The following PPP1R12A variants were observed in gnomAD, a reference collection of about 807,000 sequenced individuals.
The protein encoded by PPP1R12A is protein phosphatase 1 regulatory subunit 12A.
A neutral mutation model predicts 139.6 loss-of-function variants in PPP1R12A; 19 were observed. That is an observed-to-expected ratio of 0.14 (90% CI 0.09 to 0.20). PPP1R12A has a LOEUF of 0.20. Ranked by LOEUF, PPP1R12A falls within the 10% of genes least tolerant of loss-of-function variation. The pLI, the probability that PPP1R12A is intolerant of heterozygous loss-of-function variation, is 1.00. For synonymous variants in PPP1R12A, 427 were observed against 420.6 expected, an observed-to-expected ratio of 1.02 and a Z score of -0.19; for missense variants, 925 against 1,211.5, an observed-to-expected ratio of 0.76 and a Z score of 3.51.
intron 3 of PPP1R12A, among the ~76,000 whole-genome samples, chr12:79,843,018 G>A (rs1167148391): frequency 6.6e-6 from 1 of 151,894 alleles, no homozygotes; most frequent in Non-Finnish European, 1.5e-5. Context: ...ACTATTCTAG[G>A]TACCTCATAT....
chr12:79,780,294 C>T (rs1393933269), intron 23 of PPP1R12A: 1 of 151,204 alleles, frequency 6.6e-6, no homozygotes, highest in African/African-American at 2.4e-5. Flanking sequence ...AATTTTGTGC[C>T]TGCTTGATAT....
chr12:79,851,859 C>G (rs971917320), intron 2 of PPP1R12A, among the ~76,000 whole-genome samples: 4 of 152,144 alleles, frequency 2.6e-5, no homozygotes, highest in East Asian at 1.9e-4. Flanking sequence ...TTGTATTGTT[C>G]TATCAGTTTA....
At position 79,805,617 on chromosome 12, in the gene PPP1R12A, T is replaced by C. The variant is rs1243563157; in HGVS notation, c.1975A>G (p.Thr659Ala). The C allele has an allele frequency of 2.5e-6, 4 of 1,613,570 alleles. No homozygotes were observed. The Admixed American group carries it at 6.7e-5, about 27-fold the overall frequency. The change falls in exon 14 of 25, where the codon ACA becomes GCA. Residue 659 changes from threonine to alanine, a missense_variant. Transcript: ENST00000450142. ...CTGCGTCTCTCCCTGACCTCTGTTGTGGAGGAGACAGTGCCAGCAGTAGTT... is the reference window on the plus strand; with the variant it reads ...CTGCGTCTCTCCCTGACCTCTGTTGCGGAGGAGACAGTGCCAGCAGTAGTT... ...TTTTAGTVSS[T>A]TEVRERRRSY...
intron 13 of PPP1R12A, 131 bp from the exon 14 acceptor site, chr12:79,805,899 A>G: frequency 9.3e-7 from 1 of 1,070,292 alleles, no homozygotes; most frequent in East Asian, 2.6e-5. Flanking sequence ...AGACATCCTT[A>G]AATTATGAAC....
intron 1 of PPP1R12A, among the ~76,000 whole-genome samples, chr12:79,896,205 A>G (rs928169778): frequency 1.3e-5 from 2 of 152,190 alleles, no homozygotes; most frequent in Non-Finnish European, 2.9e-5. Context: ...TATGAGTAAC[A>G]TAAGACCTTT....
intron 22 of PPP1R12A, 121 bp from the exon 23 acceptor site, chr12:79,781,983 TGAGTA>T: frequency 3.9e-6 from 2 of 506,982 alleles, no homozygotes; most frequent in Non-Finnish European, 3.5e-6. Context: ...CACAGGTTCG[TGAGTA>T]AAGCAAAGAG....
intron 17 of PPP1R12A, 103 bp from the exon 18 acceptor site, chr12:79,795,862 G>C (rs531401901): frequency 1.8e-6 from 2 of 1,113,490 alleles, no homozygotes; most frequent in Non-Finnish European, 2.5e-6. Flanking sequence ...GGACTATCTA[G>C]GGGGATGGAA....
At chr12:79,926,096 T>A (rs1416926302) in intron 1 of PPP1R12A, among the ~76,000 whole-genome samples, 1 of 152,212 alleles carries the variant, frequency 6.6e-6, no homozygotes, top group Non-Finnish European at 1.5e-5. Flanking sequence ...CTCAAGGATT[T>A]GTTTAAAGAA....
chr12:79,831,151 C>CA (rs397937995), intron 4 of PPP1R12A, among the ~76,000 whole-genome samples: 3,532 of 144,780 alleles, frequency 0.024, 126 homozygotes, highest in African/African-American at 0.082. Context: ...TTTCTATTCT[C>CA]AAAAAAAAAA....
intron 22 of PPP1R12A, chr12:79,782,739 A>G: frequency 3.5e-6 from 1 of 282,202 alleles, no homozygotes; most frequent in South Asian, 3.2e-5. Context: ...CTGAAAATGA[A>G]TTCCTCAAAA....
At chr12:79,848,886 T>C (rs938537026) in intron 2 of PPP1R12A, 3 of 152,126 alleles carry the variant, frequency 2.0e-5, no homozygotes, top group Admixed American at 1.3e-4. Context: ...GAAACTTTTA[T>C]GCTCTGCAGA....
Position 79,885,852 on chromosome 12 carries a change from C to T in PPP1R12A, c.238-12914G>A, listed in dbSNP as rs1385768515. The stretch of plus-strand genomic sequence containing the variant: ...TTAGTCAATTTCCTCTTCACAGAAA[C>T]AATTCCTTTTTTGTTTGTTTTTTGT... On this transcript the variant is annotated intron_variant, in intron 1 of 24. Transcript: ENST00000450142. 3.9e-5 allele frequency among the ~76,000 whole-genome samples: 6 copies of T among 152,174 alleles called. No homozygotes were observed. In the East Asian group the frequency reaches 1.2e-3, roughly 29 times the overall value.
chr12:79,854,029 G>C (rs1313789529), intron 2 of PPP1R12A, among the ~76,000 whole-genome samples: 1 of 152,280 alleles, frequency 6.6e-6, no homozygotes, highest in South Asian at 2.1e-4. Flanking sequence ...AATCGTATCT[G>C]TTGACCTTAA....
intron 1 of PPP1R12A, among the ~76,000 whole-genome samples, chr12:79,878,010 G>A (rs1420194645): frequency 6.6e-6 from 1 of 151,286 alleles, no homozygotes; most frequent in African/African-American, 2.4e-5. Flanking sequence ...CTTTATAAAA[G>A]AATATGGGGA....
At chr12:79,812,212 T>C (rs572653903) in intron 9 of PPP1R12A, among the ~76,000 whole-genome samples, 2 of 152,208 alleles carry the variant, frequency 1.3e-5, no homozygotes, top group Non-Finnish European at 2.9e-5. Flanking sequence ...AGTACTGCTT[T>C]ATATGTCTAA....
At chr12:79,855,873 G>A (rs1041329000) in intron 2 of PPP1R12A, among the ~76,000 whole-genome samples, 1 of 151,664 alleles carries the variant, frequency 6.6e-6, no homozygotes, top group Non-Finnish European at 1.5e-5. Context: ...GTGGGAAGTA[G>A]TACATTTTTA....
intron 8 of PPP1R12A, among the ~76,000 whole-genome samples, chr12:79,820,528 T>A (rs1875970565): frequency 1.3e-5 from 2 of 152,088 alleles, no homozygotes; most frequent in South Asian, 4.1e-4. Context: ...CTTAGAAGCC[T>A]CTGCAACTTC....
chr12:79,883,996 G>C (rs1565796430), intron 1 of PPP1R12A, among the ~76,000 whole-genome samples: 1 of 152,254 alleles, frequency 6.6e-6, no homozygotes, highest in East Asian at 1.9e-4. Flanking sequence ...AATGGTGGTC[G>C]TCAGGGAATA....
At chr12:79,810,939 C>A (rs1429904265) in intron 9 of PPP1R12A, among the ~76,000 whole-genome samples, 1 of 151,962 alleles carries the variant, frequency 6.6e-6, no homozygotes, top group Non-Finnish European at 1.5e-5. Flanking sequence ...CAAACATTAA[C>A]TATTTCAACT....
Sources: allele counts gnomAD v4.1 joint callset (sites outside exome capture counted in the v4.1 genomes callset), GRCh38; gene constraint gnomAD v4.1.1; transcripts MANE v1.5; gene names NCBI Gene and HGNC (gene_info 2026-07-23, HGNC 2026-07-21).